The following FBXO27 variants were observed in gnomAD, a reference collection of about 807,000 sequenced individuals.
FBXO27 encodes the protein F-box only protein 27.
A neutral mutation model predicts 28.3 loss-of-function variants in FBXO27; 28 were observed. That is an observed-to-expected ratio of 0.99 (90% CI 0.73 to 1.36). The LOEUF (loss-of-function observed/expected upper bound fraction) is 1.36, where lower values mean the gene tolerates loss of function less well. Ranked by LOEUF, FBXO27 falls within the 40% of genes most tolerant of loss-of-function variation. The probability of loss-of-function intolerance (pLI) is 0.00; values close to 1 mark genes in which losing one functional copy is unlikely to be tolerated. For missense variants in FBXO27, 388 were observed against 394.1 expected (o/e 0.98, Z 0.13); for synonymous variants, 175 against 167.3 (o/e 1.05, Z -0.36).
In FBXO27 at chr19:39,031,845, T is replaced by C; in HGVS notation, c.364+19A>G. ...CCACTGTGGCCCAGCATCCTGGACTTCCTCTTCCGAGATCCCACCTTGGCC... is the reference window on the plus strand; with the variant it reads ...CCACTGTGGCCCAGCATCCTGGACTCCCTCTTCCGAGATCCCACCTTGGCC... On this transcript the variant is annotated intron_variant, in intron 2 of 5. Coordinates refer to ENST00000292853, the MANE Select transcript of FBXO27 (RefSeq NM_178820.5). 6.8e-7 allele frequency: 1 copy of C among 1,464,886 alleles called. No individual in the cohort carries two copies. Among genetic ancestry groups the C allele is most frequent in the Non-Finnish European group, 8.9e-7 (1 of 1,120,924 alleles). 90.7% of individuals were successfully genotyped at this position (1,464,886 alleles called of 1,614,324 possible).
At position 39,032,132 on chromosome 19, in the gene FBXO27, C is replaced by G. The variant is rs1011952943; in HGVS notation, c.96G>C (p.Glu32Asp). The G allele has an allele frequency of 1.9e-6, 3 of 1,542,830 alleles. No homozygotes were observed. The South Asian group carries it at 3.6e-5, about 19-fold the overall frequency. Reference sequence around the variant, plus strand: ...CGTGGCTCAGCACCACCAGAAGCAGCTCTGGGGGTAGTTGGCTCAGGTCCA... The same window carrying G: ...CGTGGCTCAGCACCACCAGAAGCAGGTCTGGGGGTAGTTGGCTCAGGTCCA... ...EALDLSQLPP[E>D]LLLVVLSHVP... Residue 32 changes from glutamate (E) to aspartate (D), a missense_variant, in exon 2 of 6, where the codon GAG (glutamate) becomes GAC (aspartate). Physicochemically the swap from Glu to Asp is conservative, Grantham distance 45 (BLOSUM62 2). Transcript: ENST00000292853. The surrounding 1 kb of genome is among the most constrained non-coding windows in gnomAD (Gnocchi z 4.7).
chr19:39,030,860 G>C (rs2072898134), intron 4 of FBXO27, 169 bp downstream of exon 4: 2 of 666,500 alleles, frequency 3.0e-6, no homozygotes, highest in Non-Finnish European at 2.7e-6. Flanking sequence ...TGCCTGCCTC[G>C]ACCCCCCAAA....
intron 2 of FBXO27, among the ~76,000 whole-genome samples, chr19:39,008,729 T>C (rs2144879066): frequency 6.6e-6 from 1 of 152,318 alleles, no homozygotes; most frequent in South Asian, 2.1e-4. Flanking sequence ...GGGCAATTCA[T>C]ATAAATGGAT....
rs900315974 is a variant in FBXO27 at position 39,032,083 on chromosome 19, G to A, written c.145C>T (p.Arg49Cys). The A allele has an allele frequency of 1.3e-6, 2 of 1,529,220 alleles. No individual in the cohort carries two copies. The highest frequency in any genetic ancestry group is 5.4e-5 in the East Asian group (2 of 37,118). The allele number at this position is 1,529,220 out of a possible 1,614,324, so 94.7% of individuals were successfully genotyped here. The part of the protein sequence containing the change: ...SHVPPRTLLG[R>C]CRQVCRGWRA... ...CAGCCCCGGCACACTTGGCGGCAGC[G>A]CCCGAGCAGCGTGCGCGGGGGGACG... The change falls in exon 2 of 6, where the codon CGC becomes TGC. Residue 49 changes from arginine to cysteine, a missense_variant. By Grantham distance (180) the Arg-to-Cys change is radical. Coordinates refer to ENST00000292853, the MANE Select transcript of FBXO27 (RefSeq NM_178820.5). This position sits in a 1 kb window ranked among gnomAD's most constrained non-coding sequence, Gnocchi z 4.7.
chr19:39,025,076 G>T lies in FBXO27; in HGVS notation c.*335C>A. On this transcript the variant is annotated 3_prime_UTR_variant, in exon 6 of 6. Transcript: ENST00000292853. ...GATGGTACAGAGGGGCCTGGGGCTG[G>T]ATCGGAGGGTTTTGGTTGGGAGGAG... 1 of 256,730 alleles carries T rather than the reference G, an allele frequency of 3.9e-6. No individual in the cohort carries two copies. Among genetic ancestry groups the T allele is most frequent in the African/African-American group, 2.2e-5 (1 of 45,886 alleles). 15.9% of individuals were successfully genotyped at this position (256,730 alleles called of 1,614,324 possible). A position where few individuals can be genotyped will look rare whatever the true frequency, so the allele number is the denominator to read the frequency against.
chr19:39,028,187 C>T (rs1302847451), intron 4 of FBXO27, among the ~76,000 whole-genome samples: 3 of 152,046 alleles, frequency 2.0e-5, no homozygotes, highest in African/African-American at 7.2e-5. Flanking sequence ...GCTGAGATCG[C>T]ACCATTGCAC....
intron 5 of FBXO27, among the ~76,000 whole-genome samples, chr19:39,025,892 C>T (rs1164380494): frequency 1.3e-5 from 2 of 152,004 alleles, no homozygotes; most frequent in Non-Finnish European, 2.9e-5. Flanking sequence ...GTGGCACGTG[C>T]CTGTAGTCCC....
In FBXO27 at chr19:39,025,342, G is replaced by A; in HGVS notation, c.*69C>T. 1.3e-6 allele frequency: 2 copies of A among 1,538,600 alleles called. No individual in the cohort carries two copies. The highest frequency in any genetic ancestry group is 8.8e-7 in the Non-Finnish European group (1 of 1,137,356). ...ACAAGTGCTTGGTTGGTTAATGAGGGGTCCCAGCCAATGGTCCCAGGCCCT... is the reference window on the plus strand; with the variant it reads ...ACAAGTGCTTGGTTGGTTAATGAGGAGTCCCAGCCAATGGTCCCAGGCCCT... On this transcript the variant is annotated 3_prime_UTR_variant, in exon 6 of 6. Transcript: ENST00000292853.
intron 1 of FBXO27, among the ~76,000 whole-genome samples, chr19:39,018,702 C>T (rs2072830656): frequency 6.6e-6 from 1 of 152,120 alleles, no homozygotes; most frequent in Non-Finnish European, 1.5e-5. Context: ...AAATGAAATT[C>T]CCGAAGTGGT....
downstream of FBXO27, among the ~76,000 whole-genome samples, chr19:39,022,718 G>C (rs1190048045): frequency 1.3e-5 from 2 of 152,176 alleles, no homozygotes; most frequent in Admixed American, 6.6e-5. Flanking sequence ...CCGGGTTCAA[G>C]CGATTCTCCT....
At chr19:39,011,756 C>T (rs1022256640) in intron 2 of FBXO27, among the ~76,000 whole-genome samples, 2 of 151,642 alleles carry the variant, frequency 1.3e-5, no homozygotes, top group African/African-American at 2.4e-5. Context: ...TCAAGCAATC[C>T]TCCCACCTCG....
At chr19:39,012,807 A>C (rs1344766476) in intron 2 of FBXO27, among the ~76,000 whole-genome samples, 1 of 151,956 alleles carries the variant, frequency 6.6e-6, no homozygotes, top group Admixed American at 6.6e-5. Context: ...AAAAAATACA[A>C]AAATTAGCCA....
At chr19:39,007,418 G>A (rs185073956) in intron 2 of FBXO27, among the ~76,000 whole-genome samples, 48 of 152,278 alleles carry the variant, frequency 3.2e-4, no homozygotes, top group African/African-American at 1.0e-3. Flanking sequence ...CAGGTGAGCA[G>A]GTGGAAGTAT....
intron 1 of FBXO27, among the ~76,000 whole-genome samples, chr19:39,015,211 T>C (rs117148528): frequency 0.083 from 12,257 of 147,224 alleles, 722 homozygotes; most frequent in Non-Finnish European, 0.12. Flanking sequence ...CTCAGCTACT[T>C]GGGAAGCTGA....
In FBXO27 at chr19:39,031,047, T is replaced by C. The variant is rs779194592; in HGVS notation, c.554A>G (p.Glu185Gly). ...WPELLDSGRI[E>G]ICVSDWWGAR... is the part of the protein sequence containing the mutation. ...CACTCACCAGTCAGAGACACAAATC[T>C]CAATCCTGCCACTATCCAGCAGTTC... The change falls in exon 4 of 6, where the codon GAG becomes GGG. Residue 185 changes from glutamate (E) to glycine (G), a missense_variant. Glu to Gly is a moderately conservative substitution (Grantham distance 98). Coordinates refer to ENST00000292853, the MANE Select transcript of FBXO27 (RefSeq NM_178820.5). 6.2e-7 allele frequency: 1 copy of C among 1,614,000 alleles called. No homozygotes were observed. The highest frequency in any genetic ancestry group is 1.7e-5 in the Admixed American group (1 of 59,980).
chr19:39,015,699 C>T (rs1051172952), intron 1 of FBXO27, among the ~76,000 whole-genome samples: 2 of 152,048 alleles, frequency 1.3e-5, no homozygotes, highest in East Asian at 3.9e-4. Flanking sequence ...AAGTAAGAGA[C>T]CAATTAGGTA....
At chr19:39,014,797 C>T (rs554325882) in intron 1 of FBXO27, among the ~76,000 whole-genome samples, 8 of 151,522 alleles carry the variant, frequency 5.3e-5, no homozygotes, top group South Asian at 2.1e-4. Flanking sequence ...AACCACAGAC[C>T]GGGAGAAGGG....
chr19:39,023,599 C>T (rs1600226372), downstream of FBXO27, among the ~76,000 whole-genome samples: 1 of 146,868 alleles, frequency 6.8e-6, no homozygotes, highest in African/African-American at 2.5e-5. Context: ...TCTCTAGAGG[C>T]TGGACCTATT....
intron 5 of FBXO27, among the ~76,000 whole-genome samples, chr19:39,026,271 G>T (rs950648373): frequency 3.3e-5 from 5 of 152,108 alleles, no homozygotes; most frequent in Admixed American, 6.6e-5. Context: ...GAGATCCCAT[G>T]GAGAAGCTCT....
Sources: allele counts gnomAD v4.1 joint callset (sites outside exome capture counted in the v4.1 genomes callset), GRCh38; gene constraint gnomAD v4.1.1; non-coding constraint Gnocchi (gnomAD v3.1); transcripts MANE v1.5; gene names NCBI Gene and HGNC (gene_info 2026-07-23, HGNC 2026-07-21).